Variants in PAK3 observed in about 807,000 individuals in gnomAD.
PAK3 encodes p21 (RAC1) activated kinase 3.
Under a neutral mutation model 41.0 loss-of-function variants are expected in PAK3, and 4 were observed. The observed-to-expected ratio is 0.10, with a 90% CI of 0.05 to 0.22. The LOEUF (loss-of-function observed/expected upper bound fraction) is 0.22. PAK3 is among the 10% of genes least tolerant of loss of function. PAK3 has a pLI of 1.00. For synonymous variants in PAK3, 146 were observed against 139.6 expected, an observed-to-expected ratio of 1.05 and a Z score of -0.32; for missense variants, 205 against 409.9, an observed-to-expected ratio of 0.50 and a Z score of 4.32.
At chrX:111,144,223 T>C (rs1306069883) in intron 6 of PAK3, among the ~76,000 whole-genome samples, 1 of 111,869 alleles carries the variant, frequency 8.9e-6, no homozygotes, top group African/African-American at 3.2e-5. Flanking sequence ...CTCCTCTCCC[T>C]ACTAAAAATA....
At chrX:110,989,946 C>A (rs1299792929) in intron 1 of PAK3, among the ~76,000 whole-genome samples, 1 of 112,335 alleles carries the variant, frequency 8.9e-6, no homozygotes, top group Admixed American at 9.4e-5. Context: ...ATTTACCTGC[C>A]TTCCCAATCT....
At chrX:111,188,741 C>A (rs1328234053) in intron 11 of PAK3, among the ~76,000 whole-genome samples, 1 of 111,654 alleles carries the variant, frequency 9.0e-6, no homozygotes, top group Admixed American at 9.5e-5. Flanking sequence ...TCTGATCTGG[C>A]ACAGGGCTAA....
intron 1 of PAK3, among the ~76,000 whole-genome samples, chrX:111,090,775 T>A (rs1161006244): frequency 8.9e-6 from 1 of 112,228 alleles, no homozygotes; most frequent in Non-Finnish European, 1.9e-5. Flanking sequence ...CCAAAAAAAA[T>A]AAAAATAAAT....
intron 15 of PAK3, 75 bp from the exon 16 acceptor site, chrX:111,196,369 A>G (rs1603378231): frequency 1.3e-6 from 1 of 799,460 alleles, no homozygotes. Context: ...AGGAAGGTAC[A>G]GCCATATCTG....
intron 1 of PAK3, among the ~76,000 whole-genome samples, chrX:111,058,642 T>C (rs2092626216): frequency 9.0e-6 from 1 of 111,671 alleles, no homozygotes; most frequent in Non-Finnish European, 1.9e-5. Context: ...CATTTCTTGA[T>C]AGTGCCCTTT....
At chrX:111,177,821 AT>A (rs2094422515) in intron 11 of PAK3, among the ~76,000 whole-genome samples, 1 of 111,986 alleles carries the variant, frequency 8.9e-6, no homozygotes, top group Non-Finnish European at 1.9e-5. Flanking sequence ...GTCCTCACAG[AT>A]TTCTCATTAA....
chrX:111,061,168 A>G lies in PAK3; in HGVS notation c.-27-61909A>G, dbSNP rs777191948. Among the ~76,000 whole-genome samples, 154 of 112,072 alleles carry G rather than the reference A, an allele frequency of 1.4e-3. 1 individual carries two copies. The highest frequency in any genetic ancestry group is 4.8e-3 in the African/African-American group (148 of 30,978). ...CCTGAAATTTATTTTTGCAAATGGT[A>G]TATTTTAGGCAAGAATGTTATTTAT... is the stretch of plus-strand genomic sequence containing the variant. On this transcript the variant is annotated intron_variant, in intron 1 of 14. Coordinates refer to the PAK3 transcript ENST00000425146.
Position 110,969,062 on chromosome X carries a change from G to A in PAK3, c.-28+24434G>A, listed in dbSNP as rs755918498. Among the ~76,000 whole-genome samples the A allele has an allele frequency of 8.9e-4, 89 of 99,669 alleles. 1 individual carries two copies. Among genetic ancestry groups the A allele is most frequent in the Non-Finnish European group, 1.2e-3 (61 of 50,211 alleles). The allele number at this position is 99,669 out of a possible 115,157, so 86.6% of individuals were successfully genotyped here. On this transcript the variant is annotated intron_variant, in intron 1 of 14. Transcript: ENST00000425146. Reference sequence around the variant, plus strand: ...CGTGCCTCAGCCTCCTGAGTAGCTGGGATTAAAGGCATGTGCTACCAGACC... The same window carrying A: ...CGTGCCTCAGCCTCCTGAGTAGCTGAGATTAAAGGCATGTGCTACCAGACC...
At position 111,182,386 on chromosome X, in the gene PAK3, G is replaced by C. The variant is rs567684754; in HGVS notation, c.830+9305G>C. Among the ~76,000 whole-genome samples the C allele has an allele frequency of 2.4e-3, 269 of 110,783 alleles. 1 individual carries two copies. The highest frequency in any genetic ancestry group is 8.2e-3 in the African/African-American group (250 of 30,496). Reference sequence around the variant, plus strand: ...CCGTGAATACTCTGAGAAAAGTCATGCCCTAGCTAAAGAACAGAAAATTCC... The same window carrying C: ...CCGTGAATACTCTGAGAAAAGTCATCCCCTAGCTAAAGAACAGAAAATTCC... On this transcript the variant is annotated intron_variant, in intron 11 of 17. Coordinates refer to ENST00000372007, the MANE Select transcript of PAK3 (RefSeq NM_002578.5).
chrX:111,102,929 C>T (rs1428914124), intron 3 of PAK3, among the ~76,000 whole-genome samples: 1 of 112,080 alleles, frequency 8.9e-6, no homozygotes, highest in African/African-American at 3.3e-5. Flanking sequence ...TGCCTTTTTA[C>T]ACTTCTTAGC....
chrX:111,032,047 G>T (rs752913872), intron 1 of PAK3, among the ~76,000 whole-genome samples: 1 of 111,627 alleles, frequency 9.0e-6, no homozygotes, highest in South Asian at 3.8e-4. Context: ...TCTTTAAAAG[G>T]TATTTCAATA....
In PAK3 at chrX:111,224,382, ACT is replaced by A. The variant is rs766770055; in HGVS notation, c.*3939_*3940del. ...TTGCCTTTCTGGAACGTTTTAACAG[ACT>A]CTCAGGTTGAATTTTGGAGGACTAG... On this transcript the variant is annotated 3_prime_UTR_variant, in exon 18 of 18. Transcript: ENST00000372007. 24 of 111,134 alleles carry A rather than the reference ACT, an allele frequency of 2.2e-4. No individual in the cohort carries two copies. In the South Asian group the frequency reaches 8.5e-3, roughly 39 times the overall value. 9.2% of individuals were successfully genotyped at this position (111,134 alleles called of 1,213,427 possible).
At chrX:110,979,359 C>T (rs1415301766) in intron 1 of PAK3, among the ~76,000 whole-genome samples, 9 of 94,419 alleles carry the variant, frequency 9.5e-5, no homozygotes, top group Admixed American at 6.3e-4. Flanking sequence ...AGTGCAGTGG[C>T]GCCATCTCTG....
intron 1 of PAK3, among the ~76,000 whole-genome samples, chrX:110,965,030 G>C (rs777040494): frequency 8.9e-6 from 1 of 111,885 alleles, no homozygotes; most frequent in African/African-American, 3.3e-5. Flanking sequence ...GAACAGGTGC[G>C]GCCGCACTTG....
chrX:111,116,440 G>A (rs1034648334), intron 4 of PAK3, among the ~76,000 whole-genome samples: 5 of 111,636 alleles, frequency 4.5e-5, no homozygotes, highest in Non-Finnish European at 9.4e-5. Flanking sequence ...CATTTTCTGG[G>A]CATTAGCTCA....
chrX:111,095,655 C>T (rs1161702833), upstream of PAK3, among the ~76,000 whole-genome samples: 1 of 111,885 alleles, frequency 8.9e-6, no homozygotes, highest in East Asian at 2.8e-4. Context: ...AGTAGTTTCC[C>T]GATCTAGACT....
chrX:111,094,812 C>T (rs1183027311), upstream of PAK3, among the ~76,000 whole-genome samples: 15 of 108,329 alleles, frequency 1.4e-4, no homozygotes, highest in Admixed American at 1.4e-3. Flanking sequence ...TCTCAGCCTC[C>T]CAAGTAGCTG....
intron 1 of PAK3, among the ~76,000 whole-genome samples, chrX:110,977,044 A>G (rs775002065): frequency 9.6e-4 from 106 of 110,665 alleles, no homozygotes; most frequent in African/African-American, 3.4e-3. Flanking sequence ...CCAACATGAC[A>G]CATGTATACC....
intron 5 of PAK3, among the ~76,000 whole-genome samples, chrX:111,128,947 G>A (rs1444816008): frequency 9.0e-6 from 1 of 111,520 alleles, no homozygotes; most frequent in Non-Finnish European, 1.9e-5. Context: ...GAAGTTCTAA[G>A]TAAGAGTGTT....
Sources: gnomAD v4.1 joint callset for allele counts (sites outside exome capture counted in the v4.1 genomes callset) on GRCh38, gnomAD v4.1.1 for gene constraint, MANE v1.5 for transcripts, NCBI Gene and HGNC (gene_info 2026-07-23, HGNC 2026-07-21) for gene names.